SLC7A11: variants seen among roughly 807,000 people sequenced by gnomAD.
The protein encoded by SLC7A11 is solute carrier family 7 member 11, also known as cystine/glutamate transporter.
A neutral mutation model predicts 54.5 loss-of-function variants in SLC7A11; 35 were observed. The ratio of observed to expected loss-of-function variants is 0.64; its 90% CI spans 0.49 to 0.85. The LOEUF is 0.85. Ranked by LOEUF, SLC7A11 falls within the 40% of genes least tolerant of loss-of-function variation. The pLI, the probability that SLC7A11 is intolerant of heterozygous loss-of-function variation, is 0.00. For missense variants in SLC7A11, 583 were observed against 618.1 expected, an observed-to-expected ratio of 0.94 and a Z score of 0.60; for synonymous variants, 230 against 225.2, an observed-to-expected ratio of 1.02 and a Z score of -0.19.
chr4:138,197,109 A>G (rs1737156385), intron 6 of SLC7A11, among the ~76,000 whole-genome samples: 1 of 152,248 alleles, frequency 6.6e-6, no homozygotes, highest in African/African-American at 2.4e-5. Context: ...CAGACTTCTT[A>G]GGTAATGTGT....
intron 3 of SLC7A11, among the ~76,000 whole-genome samples, chr4:138,227,630 G>A (rs1246742822): frequency 6.6e-6 from 1 of 152,186 alleles, no homozygotes; most frequent in African/African-American, 2.4e-5. Context: ...TAGTAACAGT[G>A]AAGATGGGTC....
At chr4:138,213,560 T>C (rs998256859) in intron 6 of SLC7A11, among the ~76,000 whole-genome samples, 3 of 150,846 alleles carry the variant, frequency 2.0e-5, no homozygotes, top group African/African-American at 7.3e-5. Flanking sequence ...TCTCTCTCTC[T>C]CCTCCCATAC....
rs1491323495 is a variant in SLC7A11, at chr4:138,170,229, A to ATATATATATATATATATATAT, written c.*1726_*1727insATATATATATATATATATATA. The ATATATATATATATATATATAT allele has an allele frequency of 2.7e-5, 3 of 111,636 alleles. No individual in the cohort carries two copies. The highest frequency in any genetic ancestry group is 3.7e-5 in the Non-Finnish European group (2 of 54,722). The allele number at this position is 111,636 out of a possible 1,614,324, so 6.9% of individuals were successfully genotyped here. ...ACTATATATATATATATATATATAT[A>ATATATATATATATATATATAT]AAAAGTGTGTGTGTGTGTGTGTATA... On this transcript the variant is annotated 3_prime_UTR_variant, in exon 12 of 12. Transcript: ENST00000280612.
chr4:138,221,316 A>C (rs1442700060), intron 4 of SLC7A11, among the ~76,000 whole-genome samples: 1 of 152,160 alleles, frequency 6.6e-6, no homozygotes, highest in Non-Finnish European at 1.5e-5. Context: ...AGTTCAACAA[A>C]CTCTCATAAG....
intron 1 of SLC7A11, among the ~76,000 whole-genome samples, chr4:138,240,802 C>T (rs559248799): frequency 6.6e-6 from 1 of 152,210 alleles, no homozygotes; most frequent in South Asian, 2.1e-4. Flanking sequence ...GTAAATAAAT[C>T]CTCATAGCAT....
intron 3 of SLC7A11, 58 bp downstream of exon 3, chr4:138,232,209 G>T: frequency 3.5e-6 from 4 of 1,155,930 alleles, no homozygotes; most frequent in Non-Finnish European, 5.2e-6. Flanking sequence ...AAGACACTTT[G>T]TCTTCAATCA....
At chr4:138,178,367 T>G (rs969655961) in intron 11 of SLC7A11, among the ~76,000 whole-genome samples, 3 of 152,188 alleles carry the variant, frequency 2.0e-5, no homozygotes, top group Admixed American at 6.6e-5. Flanking sequence ...CACATTTTCC[T>G]TATCCATTCT....
At chr4:138,204,586 G>A (rs1218446182) in intron 6 of SLC7A11, among the ~76,000 whole-genome samples, 4 of 151,894 alleles carry the variant, frequency 2.6e-5, no homozygotes, top group Admixed American at 6.6e-5. Context: ...GTCAGATTTC[G>A]TAAAGGAGTT....
At chr4:138,190,238 T>G (rs1425203688) in intron 6 of SLC7A11, among the ~76,000 whole-genome samples, 1 of 151,910 alleles carries the variant, frequency 6.6e-6, no homozygotes, top group Non-Finnish European at 1.5e-5. Flanking sequence ...TACTTGGCAT[T>G]CAGAAAAAAA....
At position 138,242,007 on chromosome 4, in the gene SLC7A11, G is replaced by C. The variant is rs1578680705; in HGVS notation, c.63C>G (p.Asn21Lys). The C allele has an allele frequency of 6.2e-6, 10 of 1,614,108 alleles. No homozygotes were observed. The highest frequency in any genetic ancestry group is 2.2e-5 in the East Asian group (1 of 44,872). ...SKGGYLQGNV[N>K]GRLPSLGNKE... is the part of the protein sequence containing the mutation. ...TGTTGCCCAGGGAAGGCAGCCTCCC[G>C]TTAACATTTCCCTGCAGGTAACCTC... The change falls in exon 1 of 12, where the codon AAC becomes AAG. Residue 21 changes from asparagine (N) to lysine (K), a missense_variant. Transcript: ENST00000280612.
At chr4:138,185,503 T>C (rs914254692) in intron 6 of SLC7A11, among the ~76,000 whole-genome samples, 8 of 152,190 alleles carry the variant, frequency 5.3e-5, no homozygotes, top group Non-Finnish European at 8.8e-5. Flanking sequence ...GTCATTCATG[T>C]ACTCCGTAAA....
intron 6 of SLC7A11, among the ~76,000 whole-genome samples, chr4:138,206,904 C>T (rs1448778400): frequency 1.3e-5 from 2 of 149,848 alleles, no homozygotes; most frequent in African/African-American, 2.4e-5. Flanking sequence ...TTTTGTCTGC[C>T]TCAGTGGCTC....
intron 3 of SLC7A11, among the ~76,000 whole-genome samples, chr4:138,230,129 G>A (rs1459694666): frequency 1.3e-5 from 2 of 152,144 alleles, no homozygotes; most frequent in African/African-American, 4.8e-5. Flanking sequence ...GATAGAGCTA[G>A]AGGCCATTAT....
At chr4:138,194,837 G>A (rs1044833701) in intron 6 of SLC7A11, among the ~76,000 whole-genome samples, 5 of 152,088 alleles carry the variant, frequency 3.3e-5, no homozygotes, top group Non-Finnish European at 7.4e-5. Flanking sequence ...TCTAAAGTTC[G>A]TTTTCTTGAA....
At chr4:138,199,356 T>C (rs1241476205) in intron 6 of SLC7A11, among the ~76,000 whole-genome samples, 1 of 152,146 alleles carries the variant, frequency 6.6e-6, no homozygotes, top group East Asian at 1.9e-4. Context: ...CTATATACTG[T>C]TACTGAAAAT....
At chr4:138,217,730 G>T (rs1737713177) in intron 5 of SLC7A11, among the ~76,000 whole-genome samples, 1 of 152,192 alleles carries the variant, frequency 6.6e-6, no homozygotes, top group African/African-American at 2.4e-5. Context: ...GTAGCTGAAA[G>T]CTTTCTCTAC....
chr4:138,200,786 TG>T (rs1737260413), intron 6 of SLC7A11, among the ~76,000 whole-genome samples: 1 of 152,258 alleles, frequency 6.6e-6, no homozygotes, highest in African/African-American at 2.4e-5. Context: ...TCAAATTAAT[TG>T]TGGTTTTAAT....
Position 138,182,428 on chromosome 4 carries a change from A to G in SLC7A11, c.1020-35T>C, listed in dbSNP as rs111960555. 1,108 of 1,270,998 alleles carry G rather than the reference A, an allele frequency of 8.7e-4. 10 individuals are homozygous for G. The African/African-American group carries it at 0.014, about 17-fold the overall frequency. 78.7% of individuals were successfully genotyped at this position (1,270,998 alleles called of 1,614,324 possible). A position where few individuals can be genotyped will look rare whatever the true frequency, so the allele number is the denominator to read the frequency against. ...GAGAAATGTGGGTGGAGTTGACTGT[A>G]TGATTGATCATTTCAAAGGGAAAAT... On this transcript the variant is annotated intron_variant, in intron 8 of 11. Transcript: ENST00000280612.
chr4:138,233,580 A>C (rs1738134791), intron 2 of SLC7A11, among the ~76,000 whole-genome samples: 1 of 152,012 alleles, frequency 6.6e-6, no homozygotes, highest in Admixed American at 6.5e-5. Flanking sequence ...TTATCAGAAA[A>C]CCAACCAGCA....
Sources: allele counts gnomAD v4.1 joint callset (sites outside exome capture counted in the v4.1 genomes callset), GRCh38; gene constraint gnomAD v4.1.1; transcripts MANE v1.5; gene names NCBI Gene and HGNC (gene_info 2026-07-23, HGNC 2026-07-21).